AGAP1: variants seen among roughly 807,000 people sequenced by gnomAD.
AGAP1 encodes the protein arf-GAP with GTPase, ANK repeat and PH domain-containing protein 1.
AGAP1 carries 29 observed loss-of-function variants against 105.3 expected under a neutral mutation model. That is an observed-to-expected ratio of 0.28 (90% CI 0.21 to 0.38). The LOEUF is 0.38. Ranked by LOEUF, AGAP1 falls within the 10% of genes least tolerant of loss-of-function variation. AGAP1 has a pLI of 1.00. For missense variants in AGAP1, 998 were observed against 1,165.1 expected (o/e 0.86, Z 2.09); for synonymous variants, 509 against 485.9 (o/e 1.05, Z -0.63).
rs1953090110 is a variant in AGAP1, at chr2:235,747,823, C to T, written c.539-2531C>T. On this transcript the variant is annotated intron_variant, in intron 5 of 17. Coordinates refer to ENST00000304032, the MANE Select transcript of AGAP1 (RefSeq NM_001037131.3). This position sits in a 1 kb window ranked among gnomAD's most constrained non-coding sequence, Gnocchi z 5.0. ...TAGGAAGGCACCTGGCATTTCTCTT[C>T]CTGCTGCTTTGGGGTAGGCAGCGTT... Among the ~76,000 whole-genome samples the T allele has an allele frequency of 6.6e-6, 1 of 152,202 alleles. No homozygotes were observed. The highest frequency in any genetic ancestry group is 1.5e-5 in the Non-Finnish European group (1 of 68,036).
chr2:235,995,171 ATATT>A (rs1236621000), intron 13 of AGAP1, among the ~76,000 whole-genome samples: 5 of 151,878 alleles, frequency 3.3e-5, no homozygotes, highest in African/African-American at 1.2e-4. Context: ...TATAAATAAA[ATATT>A]TAATTTACTT....
At chr2:235,857,857 G>A (rs549334614) in intron 9 of AGAP1, among the ~76,000 whole-genome samples, 48 of 152,338 alleles carry the variant, frequency 3.2e-4, no homozygotes, top group African/African-American at 1.1e-3. Context: ...AAGAACCAGA[G>A]CCTGCAGAAG....
At chr2:235,933,738 G>T (rs1239128829) in intron 12 of AGAP1, among the ~76,000 whole-genome samples, 3 of 151,508 alleles carry the variant, frequency 2.0e-5, no homozygotes, top group Non-Finnish European at 2.9e-5. Context: ...TCACCATGTT[G>T]GCCGGGATGG....
In AGAP1 at chr2:235,642,163, G is replaced by A. The variant is rs148870950; in HGVS notation, c.164-67016G>A. Among the ~76,000 whole-genome samples, 12 of 152,276 alleles carry A rather than the reference G, an allele frequency of 7.9e-5. No homozygotes were observed. Among genetic ancestry groups the A allele is most frequent in the African/African-American group, 2.4e-4 (10 of 41,546 alleles). On this transcript the variant is annotated intron_variant, in intron 1 of 17. Coordinates refer to ENST00000304032, the MANE Select transcript of AGAP1 (RefSeq NM_001037131.3). This position sits in a 1 kb window ranked among gnomAD's most constrained non-coding sequence, Gnocchi z 4.1. ...CATCCACGGAGTGCGGCGCCTGCTC[G>A]ACTTGGCCTTCTGGCACTGGGGATT...
intron 8 of AGAP1, among the ~76,000 whole-genome samples, chr2:235,802,993 T>C (rs1957612699): frequency 6.7e-6 from 1 of 148,268 alleles, no homozygotes; most frequent in Admixed American, 6.7e-5. Flanking sequence ...ATGGTTGTGA[T>C]GGTGGTGATG....
chr2:235,541,483 G>A (rs937993995), intron 1 of AGAP1, among the ~76,000 whole-genome samples: 6 of 146,610 alleles, frequency 4.1e-5, no homozygotes, highest in Admixed American at 2.8e-4. Context: ...CACCTCCCGG[G>A]TTCACACCAT....
intron 11 of AGAP1, among the ~76,000 whole-genome samples, chr2:235,915,451 G>A (rs1287887058): frequency 6.8e-6 from 1 of 146,274 alleles, no homozygotes; most frequent in Non-Finnish European, 1.5e-5. Flanking sequence ...GAGGCAGGCA[G>A]ATCCCCTGAG....
chr2:235,649,698 A>T (rs114820451), intron 1 of AGAP1, among the ~76,000 whole-genome samples: 1,712 of 152,308 alleles, frequency 0.011, 44 homozygotes, highest in African/African-American at 0.039. Context: ...AGCGCCTCCC[A>T]GGTGGCTGTG....
At position 235,691,183 on chromosome 2, in the gene AGAP1, G is replaced by A. The variant is rs538595900; in HGVS notation, c.164-17996G>A. Among the ~76,000 whole-genome samples, 2 of 152,302 alleles carry A rather than the reference G, an allele frequency of 1.3e-5. No homozygotes were observed. Among genetic ancestry groups the A allele is most frequent in the South Asian group, 4.1e-4 (2 of 4,830 alleles). ...GTCCCTTCTGAGAGACCCCAGCCCC[G>A]AGAGGCTCTGGGCTGCTGGATGCTG... On this transcript the variant is annotated intron_variant, in intron 1 of 17. Transcript: ENST00000304032. The surrounding 1 kb of genome is among the most constrained non-coding windows in gnomAD (Gnocchi z 4.4).
At chr2:235,676,536 A>G (rs1948746602) in intron 1 of AGAP1, among the ~76,000 whole-genome samples, 1 of 152,234 alleles carries the variant, frequency 6.6e-6, no homozygotes, top group African/African-American at 2.4e-5. Context: ...CAGGTAGAGA[A>G]GAGTGACTCC....
At chr2:235,897,640 A>G (rs994818312) in intron 10 of AGAP1, among the ~76,000 whole-genome samples, 1 of 151,958 alleles carries the variant, frequency 6.6e-6, no homozygotes, top group Non-Finnish European at 1.5e-5. Context: ...TTTTCGTGTT[A>G]CTCATTGAGG....
chr2:235,628,394 C>T (rs1946711746), intron 1 of AGAP1, among the ~76,000 whole-genome samples: 2 of 152,132 alleles, frequency 1.3e-5, no homozygotes, highest in African/African-American at 4.8e-5. Context: ...CCAGGGGCAC[C>T]TAGCAGGGAT....
At chr2:235,677,139 C>T (rs1424864193) in intron 1 of AGAP1, among the ~76,000 whole-genome samples, 1 of 152,206 alleles carries the variant, frequency 6.6e-6, no homozygotes, top group East Asian at 1.9e-4. Context: ...AAGACATGAA[C>T]GTAGCTGCTC....
chr2:235,708,576 A>C (rs931234985), intron 1 of AGAP1, among the ~76,000 whole-genome samples: 1 of 151,404 alleles, frequency 6.6e-6, no homozygotes, highest in East Asian at 1.9e-4. Context: ...CTGGGTCTTC[A>C]GTGTTTAATA....
chr2:235,624,282 A>G (rs1276426096), intron 1 of AGAP1, among the ~76,000 whole-genome samples: 1 of 152,242 alleles, frequency 6.6e-6, no homozygotes, highest in African/African-American at 2.4e-5. Context: ...AAACACCTAC[A>G]GATACAGTGG....
rs2051320094 is a variant in AGAP1, at chr2:235,906,657, A to G, written c.1156-2081A>G. Among the ~76,000 whole-genome samples the G allele has an allele frequency of 6.6e-6, 1 of 150,564 alleles. No homozygotes were observed. ...TCATGTTGGTTGCGGGAAGGTCTAC[A>G]TTGTCACACCCCAGGCTCACCCACC... On this transcript the variant is annotated intron_variant, in intron 10 of 17. Coordinates refer to ENST00000304032, the MANE Select transcript of AGAP1 (RefSeq NM_001037131.3). This position sits in a 1 kb window ranked among gnomAD's most constrained non-coding sequence, Gnocchi z 5.3.
intron 1 of AGAP1, among the ~76,000 whole-genome samples, chr2:235,643,409 C>T (rs1157075574): frequency 2.0e-5 from 2 of 98,108 alleles, no homozygotes; most frequent in Non-Finnish European, 3.6e-5. Context: ...CCAGCCTGGG[C>T]AACAAGAGAG....
In AGAP1 at chr2:235,689,981, A is replaced by G. The variant is rs1339169933; in HGVS notation, c.164-19198A>G. Among the ~76,000 whole-genome samples the G allele has an allele frequency of 6.6e-6, 1 of 152,068 alleles. No homozygotes were observed. Among genetic ancestry groups the G allele is most frequent in the African/African-American group, 2.4e-5 (1 of 41,400 alleles). The stretch of plus-strand genomic sequence containing the variant: ...CTGGTCTAATTTTTTCAGATGGTAA[A>G]TAGATCGCGTTGTTGCATGCGTTTG... On this transcript the variant is annotated intron_variant, in intron 1 of 17. Coordinates refer to ENST00000304032, the MANE Select transcript of AGAP1 (RefSeq NM_001037131.3). This position sits in a 1 kb window ranked among gnomAD's most constrained non-coding sequence, Gnocchi z 4.2.
chr2:236,086,563 A>G (rs1286323389), intron 16 of AGAP1, among the ~76,000 whole-genome samples: 1 of 152,242 alleles, frequency 6.6e-6, no homozygotes, highest in Non-Finnish European at 1.5e-5. Flanking sequence ...TCTCTTTTAA[A>G]TAGCTGGAAG....
Sources: gnomAD v4.1 joint callset for allele counts (sites outside exome capture counted in the v4.1 genomes callset) on GRCh38, gnomAD v4.1.1 for gene constraint, Gnocchi (gnomAD v3.1) non-coding constraint, MANE v1.5 for transcripts, NCBI Gene and HGNC (gene_info 2026-07-23, HGNC 2026-07-21) for gene names.